Variants in BMAL1 observed in about 807,000 individuals in gnomAD.
BMAL1 encodes the protein basic helix-loop-helix ARNT like 1.
chr11:13,333,187 G>A, the BMAL1 span, among the ~76,000 whole-genome samples: 4 of 152,032 alleles, frequency 2.6e-5, no homozygotes, highest in African/African-American at 4.8e-5. Flanking sequence ...GGCTGGTCTC[G>A]AACTCCTGAC....
chr11:13,322,144 G>A, the BMAL1 span, among the ~76,000 whole-genome samples: 5 of 152,158 alleles, frequency 3.3e-5, no homozygotes, highest in African/African-American at 4.8e-5. Context: ...GCTTGTTCTT[G>A]TCTACGAAGG....
At chr11:13,312,481 G>C in the BMAL1 span, among the ~76,000 whole-genome samples, 1 of 152,194 alleles carries the variant, frequency 6.6e-6, no homozygotes, top group Non-Finnish European at 1.5e-5. Context: ...AGTGTGGGAA[G>C]TCTGGAAGAG....
chr11:13,324,720 C>G, the BMAL1 span, among the ~76,000 whole-genome samples: 1 of 152,190 alleles, frequency 6.6e-6, no homozygotes, highest in South Asian at 2.1e-4. Flanking sequence ...ACTCTAGGGC[C>G]TAAAACAGAG....
At chr11:13,326,829 TG>T in the BMAL1 span, among the ~76,000 whole-genome samples, 5 of 151,352 alleles carry the variant, frequency 3.3e-5, no homozygotes, top group Non-Finnish European at 5.9e-5. Flanking sequence ...TGTTTTGTTT[TG>T]TTTTTTTGAG....
the BMAL1 span, among the ~76,000 whole-genome samples, chr11:13,316,800 G>A: frequency 6.6e-6 from 1 of 152,230 alleles, no homozygotes; most frequent in Non-Finnish European, 1.5e-5. Context: ...GGGGACGTTA[G>A]CCACACCCTA....
At chr11:13,368,860 T>C in the BMAL1 span, among the ~76,000 whole-genome samples, 1 of 152,170 alleles carries the variant, frequency 6.6e-6, no homozygotes, top group South Asian at 2.1e-4. Flanking sequence ...CTTTAAAAAA[T>C]AAAAATAAAT....
At chr11:13,287,571 A>G in the BMAL1 span, among the ~76,000 whole-genome samples, 2 of 152,236 alleles carry the variant, frequency 1.3e-5, no homozygotes, top group African/African-American at 4.8e-5. Context: ...AGCTTTGGAT[A>G]AATTTTTAAT....
chr11:13,326,460 G>C, the BMAL1 span: 1 of 152,182 alleles, frequency 6.6e-6, no homozygotes, highest in Non-Finnish European at 1.5e-5. Flanking sequence ...TGTGTGCCGG[G>C]CACTGTGGTA....
the BMAL1 span, among the ~76,000 whole-genome samples, chr11:13,299,498 A>G: frequency 6.6e-6 from 1 of 152,030 alleles, no homozygotes; most frequent in African/African-American, 2.4e-5. Context: ...CTTGGGAGGC[A>G]TGGTTAGGTA....
At chr11:13,305,368 A>T in the BMAL1 span, among the ~76,000 whole-genome samples, 1 of 152,182 alleles carries the variant, frequency 6.6e-6, no homozygotes, top group Non-Finnish European at 1.5e-5. Context: ...CTGATTGCGA[A>T]TGGGGTTGTA....
chr11:13,307,231 C>G, the BMAL1 span, among the ~76,000 whole-genome samples: 1 of 152,222 alleles, frequency 6.6e-6, no homozygotes, highest in Non-Finnish European at 1.5e-5. Context: ...AGTGCAGGAA[C>G]TCTTCATGGA....
the BMAL1 span, among the ~76,000 whole-genome samples, chr11:13,334,528 G>T: frequency 1.4e-5 from 2 of 145,632 alleles, no homozygotes; most frequent in African/African-American, 2.5e-5. Flanking sequence ...GGCTCTTGAT[G>T]TTTTTTTTTT....
At chr11:13,298,280 C>T in the BMAL1 span, among the ~76,000 whole-genome samples, 1 of 152,208 alleles carries the variant, frequency 6.6e-6, no homozygotes, top group Non-Finnish European at 1.5e-5. Flanking sequence ...ACCAGGCATG[C>T]TTCCTGTTTA....
At chr11:13,338,645 T>C in the BMAL1 span, among the ~76,000 whole-genome samples, 1 of 152,146 alleles carries the variant, frequency 6.6e-6, no homozygotes, top group Admixed American at 6.5e-5. Flanking sequence ...ACTGAAGCAA[T>C]AGAGCATGTG....
chr11:13,365,737 G>C, the BMAL1 span: 1 of 607,890 alleles, frequency 1.6e-6, no homozygotes, highest in Non-Finnish European at 2.8e-6. Context: ...AATTAATTTA[G>C]ACTTAGAACA....
the BMAL1 span, among the ~76,000 whole-genome samples, chr11:13,311,929 C>A: frequency 6.6e-6 from 1 of 152,172 alleles, no homozygotes; most frequent in Non-Finnish European, 1.5e-5. Flanking sequence ...AACCTTCTTA[C>A]TACAGAGTCT....
chr11:13,307,547 A>G, the BMAL1 span, among the ~76,000 whole-genome samples: 3 of 152,352 alleles, frequency 2.0e-5, no homozygotes, highest in African/African-American at 7.2e-5. Flanking sequence ...AGGATTCCCC[A>G]CTGCCACCAA....
At chr11:13,349,336 G>A in the BMAL1 span, among the ~76,000 whole-genome samples, 1 of 152,214 alleles carries the variant, frequency 6.6e-6, no homozygotes, top group African/African-American at 2.4e-5. Flanking sequence ...CTTGTTGTCT[G>A]GCTTCAGGCC....
the BMAL1 span, among the ~76,000 whole-genome samples, chr11:13,298,423 C>A: frequency 6.6e-6 from 1 of 152,154 alleles, no homozygotes; most frequent in African/African-American, 2.4e-5. Flanking sequence ...TGGGTCACTG[C>A]CCCCCAAATG....
Sources: gnomAD v4.1 joint callset for allele counts (sites outside exome capture counted in the v4.1 genomes callset) on GRCh38, gnomAD v4.1.1 for gene constraint, MANE v1.5 for transcripts, NCBI Gene and HGNC (gene_info 2026-07-23, HGNC 2026-07-21) for gene names.